Variants in MYO1D observed in about 807,000 individuals in gnomAD.
The protein encoded by MYO1D is unconventional myosin-Id.
Under a neutral mutation model 122.0 loss-of-function variants are expected in MYO1D, and 83 were observed. That is an observed-to-expected ratio of 0.68 (90% confidence interval 0.57 to 0.82). MYO1D has a LOEUF of 0.82. MYO1D is among the 40% of genes least tolerant of loss of function. MYO1D has a pLI of 0.00. For synonymous variants in MYO1D, 464 were observed against 446.9 expected (o/e 1.04, Z -0.48); for missense variants, 1,157 against 1,269.5 (o/e 0.91, Z 1.35).
intron 1 of MYO1D, among the ~76,000 whole-genome samples, chr17:32,783,519 T>C (rs2151031139): frequency 6.6e-6 from 1 of 152,302 alleles, no homozygotes; most frequent in East Asian, 1.9e-4. Context: ...CAAGATCTCA[T>C]GTCTTAAGAA....
intron 21 of MYO1D, among the ~76,000 whole-genome samples, chr17:32,557,876 G>A (rs1047222916): frequency 2.6e-5 from 4 of 151,628 alleles, no homozygotes; most frequent in Admixed American, 6.6e-5. Context: ...ACACAGCCAC[G>A]CTCATTCATT....
rs115974955 is a variant in MYO1D at position 32,712,752 on chromosome 17, A to G, written c.1914-557T>C. On this transcript the variant is annotated intron_variant, in intron 15 of 21. Transcript: ENST00000318217. ...ACACAAAAATTAATTGCATTTCTAC[A>G]TACGAGCAGTCAACAGCTCCTTGTC... 4.6e-3 allele frequency among the ~76,000 whole-genome samples: 703 copies of G among 152,342 alleles called. 5 individuals carry two copies. The highest frequency in any genetic ancestry group is 0.015 in the African/African-American group (630 of 41,580).
intron 8 of MYO1D, among the ~76,000 whole-genome samples, chr17:32,763,699 C>T (rs547738939): frequency 1.3e-5 from 2 of 152,270 alleles, no homozygotes; most frequent in East Asian, 1.9e-4. Flanking sequence ...GCAGGTAGAT[C>T]GCTTGAGGTC....
At chr17:32,710,744 A>G (rs1282283321) in intron 16 of MYO1D, among the ~76,000 whole-genome samples, 1 of 152,226 alleles carries the variant, frequency 6.6e-6, no homozygotes, top group Non-Finnish European at 1.5e-5. Context: ...ACAAGAAAGT[A>G]CCAGCTCGAG....
chr17:32,580,289 ATTTTTTTTTTTTTTTTTTTT>A (rs71144843), intron 21 of MYO1D, among the ~76,000 whole-genome samples: 1,226 of 39,226 alleles, frequency 0.031, 64 homozygotes, highest in African/African-American at 0.12. Context: ...TGCTAAGAGG[ATTTTTTTTTTTTTTTTTTTT>A]TTTTTTTTTT....
chr17:32,681,075 T>C (rs767149030), intron 16 of MYO1D, among the ~76,000 whole-genome samples: 2 of 152,212 alleles, frequency 1.3e-5, no homozygotes, highest in East Asian at 3.8e-4. Context: ...GTAGTTTGCA[T>C]TTCTGTGGGA....
chr17:32,575,621 C>A (rs930090839), intron 21 of MYO1D, among the ~76,000 whole-genome samples: 1 of 152,208 alleles, frequency 6.6e-6, no homozygotes, highest in Non-Finnish European at 1.5e-5. Context: ...CAGCGAATCC[C>A]ATGGACTTCA....
At chr17:32,667,920 C>T (rs1464791834) in intron 16 of MYO1D, among the ~76,000 whole-genome samples, 1 of 152,254 alleles carries the variant, frequency 6.6e-6, no homozygotes, top group East Asian at 1.9e-4. Context: ...AGTAATTGAA[C>T]CTTTTGGTCA....
intron 1 of MYO1D, among the ~76,000 whole-genome samples, chr17:32,873,770 A>T (rs58947806): frequency 0.03 from 4,515 of 152,306 alleles, 263 homozygotes; most frequent in African/African-American, 0.1. Flanking sequence ...AATGAGAACC[A>T]CAGCCAGTTC....
In MYO1D at chr17:32,605,242, C is replaced by G; in HGVS notation, c.2710-1G>C. 6.5e-7 allele frequency: 1 copy of G among 1,541,360 alleles called. No individual in the cohort carries two copies. ...CATTGGAGACACTCAGACCAGTCAA[C>G]TGCAAAGAGAAAATGCATGGAAAAC... On this transcript the variant is annotated splice_acceptor_variant, in intron 20 of 21. Coordinates refer to ENST00000318217, the MANE Select transcript of MYO1D (RefSeq NM_015194.3). LOFTEE classifies it high-confidence loss of function.
chr17:32,785,438 G>A (rs1452580112), intron 1 of MYO1D, among the ~76,000 whole-genome samples: 1 of 152,176 alleles, frequency 6.6e-6, no homozygotes, highest in East Asian at 1.9e-4. Context: ...GATTTGGCCT[G>A]TCTTCCTTCC....
At chr17:32,590,117 C>T (rs1235121752) in intron 21 of MYO1D, among the ~76,000 whole-genome samples, 1 of 152,156 alleles carries the variant, frequency 6.6e-6, no homozygotes, top group Non-Finnish European at 1.5e-5. Flanking sequence ...TTACTTCTCC[C>T]CATTACTTAT....
chr17:32,579,338 G>T (rs1292134948), intron 21 of MYO1D, among the ~76,000 whole-genome samples: 1 of 152,128 alleles, frequency 6.6e-6, no homozygotes, highest in Non-Finnish European at 1.5e-5. Context: ...CAAAGTGCTG[G>T]GACTACAGGC....
intron 21 of MYO1D, among the ~76,000 whole-genome samples, chr17:32,508,990 A>C (rs1289806829): frequency 6.6e-6 from 1 of 152,248 alleles, no homozygotes; most frequent in Admixed American, 6.5e-5. Context: ...GAATTTTTAT[A>C]AAATGACATG....
intron 2 of MYO1D, among the ~76,000 whole-genome samples, chr17:32,778,973 G>T (rs987435408): frequency 5.3e-5 from 8 of 152,002 alleles, no homozygotes; most frequent in Non-Finnish European, 1.2e-4. Flanking sequence ...TTCTATAAGA[G>T]AATTTCTTTT....
chr17:32,710,678 ATCTAAAG>A (rs1240589397), intron 16 of MYO1D, among the ~76,000 whole-genome samples: 4 of 152,352 alleles, frequency 2.6e-5, no homozygotes, highest in South Asian at 2.1e-4. Context: ...AATATATAAC[ATCTAAAG>A]TAAATAAGAG....
At chr17:32,521,123 C>T (rs1439899705) in intron 21 of MYO1D, among the ~76,000 whole-genome samples, 1 of 152,196 alleles carries the variant, frequency 6.6e-6, no homozygotes, top group Admixed American at 6.5e-5. Flanking sequence ...ACCTTGAGTT[C>T]AGCTTTAAGC....
Position 32,618,547 on chromosome 17 carries a change from T to C in MYO1D, c.2710-13306A>G, listed in dbSNP as rs111976148. On this transcript the variant is annotated intron_variant, in intron 20 of 21. Coordinates refer to ENST00000318217, the MANE Select transcript of MYO1D (RefSeq NM_015194.3). ...AATGTTCTCATCACAGTGGATTTGG[T>C]ACTTAACAAAATTAAATACAAATTC... 8.8e-4 allele frequency among the ~76,000 whole-genome samples: 134 copies of C among 152,250 alleles called. 1 individual carries two copies. The highest frequency in any genetic ancestry group is 6.8e-3 in the Middle Eastern group (2 of 294).
At chr17:32,812,545 A>T (rs765097318) in intron 1 of MYO1D, among the ~76,000 whole-genome samples, 1 of 152,178 alleles carries the variant, frequency 6.6e-6, no homozygotes, top group Non-Finnish European at 1.5e-5. Context: ...TGTTACCTAC[A>T]CTTAAGTTAG....
Sources: gnomAD v4.1 joint callset for allele counts (sites outside exome capture counted in the v4.1 genomes callset) on GRCh38, gnomAD v4.1.1 for gene constraint, MANE v1.5 for transcripts, NCBI Gene and HGNC (gene_info 2026-07-23, HGNC 2026-07-21) for gene names.